CCPG1: variants seen among roughly 807,000 people sequenced by gnomAD.
CCPG1 encodes cell cycle progression protein 1.
A neutral mutation model predicts 81.3 loss-of-function variants in CCPG1; 46 were observed. The ratio of observed to expected loss-of-function variants is 0.57; its 90% CI spans 0.45 to 0.72. The LOEUF (loss-of-function observed/expected upper bound fraction) is 0.72, where lower values mean the gene tolerates loss of function less well. CCPG1 is among the 30% of genes least tolerant of loss of function. The pLI is 0.00. For synonymous variants in CCPG1, 330 were observed against 305.2 expected (o/e 1.08, Z -0.85); for missense variants, 902 against 937.6 (o/e 0.96, Z 0.50).
At chr15:55,385,775 C>T (rs1430268812) in intron 2 of CCPG1, 61 bp from the exon 3 acceptor site, 1 of 846,898 alleles carries the variant, frequency 1.2e-6, no homozygotes, top group African/African-American at 1.7e-5. Flanking sequence ...CTAGATTTGA[C>T]TACATGTAAA....
intron 1 of CCPG1, among the ~76,000 whole-genome samples, chr15:55,394,748 G>C (rs1566981854): frequency 6.6e-6 from 1 of 151,574 alleles, no homozygotes; most frequent in Admixed American, 6.6e-5. Context: ...AGTTCTATTT[G>C]TGTTATCTAA....
rs561034194 is a variant in CCPG1, at chr15:55,376,357, C to CG, written c.454+591_454+592insC. Among the ~76,000 whole-genome samples the CG allele has an allele frequency of 2.3e-4, 35 of 152,282 alleles. No homozygotes were observed. The East Asian group carries it at 6.2e-3, about 27-fold the overall frequency. On this transcript the variant is annotated intron_variant, in intron 5 of 8. Transcript: ENST00000442196. Reference sequence around the variant, plus strand: ...CACTTTAATCTCTGAATGAGTCTGTCTGTACAACGGGCATTGATTGCATTA... The same window carrying CG: ...CACTTTAATCTCTGAATGAGTCTGTCGTGTACAACGGGCATTGATTGCATTA...
chr15:55,371,244 T>C (rs900819087), intron 6 of CCPG1, among the ~76,000 whole-genome samples: 6 of 152,102 alleles, frequency 3.9e-5, no homozygotes, highest in African/African-American at 1.4e-4. Context: ...TCAACATATA[T>C]AAACAGTATC....
intron 2 of CCPG1, among the ~76,000 whole-genome samples, chr15:55,387,714 T>C (rs933529452): frequency 4.6e-5 from 7 of 151,568 alleles, no homozygotes; most frequent in African/African-American, 1.7e-4. Context: ...CTGGCTAATT[T>C]TGTATTTTTA....
chr15:55,407,220 C>A (rs1483731536), intron 1 of CCPG1, among the ~76,000 whole-genome samples: 1 of 104,740 alleles, frequency 9.5e-6, no homozygotes, highest in African/African-American at 3.8e-5. Context: ...AAGAGCGAAA[C>A]CCTCTCTCAA....
At position 55,360,574 on chromosome 15, in the gene CCPG1, A is replaced by G. The variant is rs865937101; in HGVS notation, c.1199T>C (p.Leu400Pro). Residue 400 changes from leucine to proline, a missense_variant, in exon 8 of 9, where the codon CTC becomes CCC. Physicochemically the swap from Leu to Pro is moderately conservative, Grantham distance 98. Transcript: ENST00000442196. ...RLVTTALRGE[L>P]QQLSGSQLHG... ...TAACTGACTACCACTTAACTGCTGG[A>G]GTTCCCCCCTTAAAGCCGTAGTTAC... The G allele has an allele frequency of 6.2e-7, 1 of 1,614,052 alleles. No homozygotes were observed.
chr15:55,360,118 A>T lies in CCPG1; in HGVS notation c.1655T>A (p.Phe552Tyr), dbSNP rs765764434. ...TTCAGCTGCTTCTTTTGTAGCACCA[A>T]ATCTTTTATTACCCTTTTCATCAAA... is the stretch of plus-strand genomic sequence containing the variant. ...NIFDEKGNKR[F>Y]GATKEAAEKP... Residue 552 changes from phenylalanine to tyrosine, a missense_variant, in exon 8 of 9, where the codon TTT becomes TAT. Around this residue, in one of 3 missense-constraint regions of CCPG1, gnomAD observed 746 missense variants for 728.6 expected, o/e 1.02. Transcript: ENST00000442196. 6.2e-7 allele frequency: 1 copy of T among 1,613,852 alleles called. No homozygotes were observed. Among genetic ancestry groups the T allele is most frequent in the Non-Finnish European group, 8.5e-7 (1 of 1,179,926 alleles).
At chr15:55,361,955 T>C (rs1367664260) in intron 7 of CCPG1, among the ~76,000 whole-genome samples, 2 of 152,156 alleles carry the variant, frequency 1.3e-5, no homozygotes, top group Admixed American at 1.3e-4. Context: ...TTATGGTAAA[T>C]TTTTGAAGTT....
chr15:55,407,430 A>C (rs943915837), intron 1 of CCPG1, among the ~76,000 whole-genome samples: 3 of 152,180 alleles, frequency 2.0e-5, no homozygotes, highest in African/African-American at 7.2e-5. Flanking sequence ...TATCCTGTAG[A>C]TTGGAGGAGA....
chr15:55,404,152 A>G (rs1461604972), intron 1 of CCPG1, among the ~76,000 whole-genome samples: 2 of 152,214 alleles, frequency 1.3e-5, no homozygotes, highest in African/African-American at 2.4e-5. Context: ...TATTGAAAAG[A>G]AATTGACATT....
chr15:55,372,675 C>T (rs924505944), intron 5 of CCPG1: 9 of 224,926 alleles, frequency 4.0e-5, no homozygotes, highest in African/African-American at 2.1e-4. Context: ...AACAAAATTT[C>T]ATTGCTATTA....
At position 55,356,393 on chromosome 15, in the gene CCPG1, G is replaced by A; in HGVS notation, c.2251C>T (p.Gln751Ter). 3 of 1,529,898 alleles carry A rather than the reference G, an allele frequency of 2.0e-6. No individual in the cohort carries two copies. Among genetic ancestry groups the A allele is most frequent in the Admixed American group, 2.0e-5 (1 of 48,986 alleles). The allele number at this position is 1,529,898 out of a possible 1,614,324, so 94.8% of individuals were successfully genotyped here. A position where few individuals can be genotyped will look rare whatever the true frequency, so the allele number is the denominator to read the frequency against. Residue 751 changes from glutamine to a stop codon, truncating the protein, a stop_gained, in exon 9 of 9, where the codon CAA (glutamine) becomes TAA (stop). Coordinates refer to ENST00000442196, the MANE Select transcript of CCPG1 (RefSeq NM_001204450.2). LOFTEE classifies it high-confidence loss of function. ...PYGPSRPDKK[Q>*]RMVNIENSRH... ...GAGTTTTCAATATTTACCATACGTT[G>A]CTTTTTATCAGGTCGACTGAAAGCA...
chr15:55,356,658 A>T, intron 8 of CCPG1: 1 of 1,193,578 alleles, frequency 8.4e-7, no homozygotes, highest in Non-Finnish European at 1.0e-6. Context: ...GATAACAAAG[A>T]AAAGAAATGT....
intron 2 of CCPG1, among the ~76,000 whole-genome samples, chr15:55,386,131 T>C (rs1259432546): frequency 2.0e-5 from 3 of 150,564 alleles, no homozygotes; most frequent in African/African-American, 4.9e-5. Flanking sequence ...GGCTCACGCC[T>C]GTAATCCCAG....
intron 1 of CCPG1, among the ~76,000 whole-genome samples, chr15:55,397,868 T>C (rs1042339472): frequency 6.6e-6 from 1 of 151,860 alleles, no homozygotes; most frequent in African/African-American, 2.4e-5. Flanking sequence ...TCCCAGCTAC[T>C]CGGGAGGCTG....
chr15:55,399,261 A>G lies in CCPG1; in HGVS notation c.-10+8960T>C, dbSNP rs149100770. Among the ~76,000 whole-genome samples, 496 of 152,190 alleles carry G rather than the reference A, an allele frequency of 3.3e-3. 10 individuals are homozygous for G. Among genetic ancestry groups the G allele is most frequent in the Admixed American group, 0.027 (418 of 15,272 alleles). On this transcript the variant is annotated intron_variant, in intron 1 of 8. Coordinates refer to ENST00000442196, the MANE Select transcript of CCPG1 (RefSeq NM_001204450.2). ...CTGAAGAATGAATGAGTAGTTTTCC[A>G]TCTTTTTTGTACCTGAACACAACTG...
At position 55,355,881 on chromosome 15, in the gene CCPG1, T is replaced by C. The variant is rs533913350; in HGVS notation, c.*339A>G. 115 of 291,310 alleles carry C rather than the reference T, an allele frequency of 3.9e-4. No homozygotes were observed. Among genetic ancestry groups the C allele is most frequent in the African/African-American group, 2.3e-3 (104 of 44,852 alleles). 18.0% of individuals were successfully genotyped at this position (291,310 alleles called of 1,614,324 possible). A position where few individuals can be genotyped will look rare whatever the true frequency, so the allele number is the denominator to read the frequency against. On this transcript the variant is annotated 3_prime_UTR_variant, in exon 9 of 9. Coordinates refer to ENST00000442196, the MANE Select transcript of CCPG1 (RefSeq NM_001204450.2). ...ATTTAACACAAACATCAGTGTTAAT[T>C]ACACTTTGTCATGTATGACTGAGCT... is the stretch of plus-strand genomic sequence containing the variant.
rs140786649 is a variant in CCPG1 at position 55,392,542 on chromosome 15, A to T, written c.-9-3109T>A. ...CATGATTTTTTTTTTAATTTTTGAG[A>T]CAGGATTTCGCTTTGTCACCCAGGC... On this transcript the variant is annotated intron_variant, in intron 1 of 8. Coordinates refer to ENST00000442196, the MANE Select transcript of CCPG1 (RefSeq NM_001204450.2). Among the ~76,000 whole-genome samples, 33 of 150,504 alleles carry T rather than the reference A, an allele frequency of 2.2e-4. No individual in the cohort carries two copies. In the East Asian group the frequency reaches 6.5e-3, roughly 30 times the overall value.
rs1263468079 is a variant in CCPG1 at position 55,371,910 on chromosome 15, C to T, written c.589G>A (p.Glu197Lys). The T allele has an allele frequency of 3.1e-6, 5 of 1,614,076 alleles. No individual in the cohort carries two copies. Among genetic ancestry groups the T allele is most frequent in the Admixed American group, 3.3e-5 (2 of 59,996 alleles). Residue 197 changes from glutamate to lysine, a missense_variant, in exon 6 of 9, where the codon GAA becomes AAA. Physicochemically the swap from Glu to Lys is moderately conservative, Grantham distance 56 (BLOSUM62 1). Coordinates refer to ENST00000442196, the MANE Select transcript of CCPG1 (RefSeq NM_001204450.2). Reference sequence around the variant, plus strand: ...TCCTTAGAAGGTTCAGTTTCTTGTTCAGCAACTAGCCGGTCTTCAGATTCT... The same window carrying T: ...TCCTTAGAAGGTTCAGTTTCTTGTTTAGCAACTAGCCGGTCTTCAGATTCT... ...ASESEDRLVA[E>K]QETEPSKELS...
Sources: gnomAD v4.1 joint callset for allele counts (sites outside exome capture counted in the v4.1 genomes callset) on GRCh38, gnomAD v4.1.1 for gene constraint, gnomAD v4.1.1 regional missense constraint, MANE v1.5 for transcripts, NCBI Gene and HGNC (gene_info 2026-07-23, HGNC 2026-07-21) for gene names.